Variants in HEATR1 observed in about 807,000 individuals in gnomAD.
The protein encoded by HEATR1 is HEAT repeat-containing protein 1.
A neutral mutation model predicts 248.2 loss-of-function variants in HEATR1; 77 were observed. That is an observed-to-expected ratio of 0.31 (90% confidence interval 0.26 to 0.37). The LOEUF (loss-of-function observed/expected upper bound fraction) is 0.37. HEATR1 is among the 10% of genes least tolerant of loss of function. The pLI is 1.00. For synonymous variants in HEATR1, 897 were observed against 923.1 expected (o/e 0.97, Z 0.51); for missense variants, 2,420 against 2,504.9 (o/e 0.97, Z 0.72).
chr1:236,594,195 A>C, intron 8 of HEATR1, 81 bp from the exon 9 acceptor site: 1 of 908,012 alleles, frequency 1.1e-6, no homozygotes, highest in Non-Finnish European at 1.7e-6. Flanking sequence ...ATAGCAGAAA[A>C]TCGTTCTCAG....
chr1:236,555,883 C>T lies in HEATR1; in HGVS notation c.5571G>A (p.Lys1857=). The change falls in exon 39 of 45, where the codon AAG becomes AAA. Residue 1857 remains lysine (K), a synonymous_variant. Transcript: ENST00000366582. Reference sequence around the variant, plus strand: ...GAGACTGATGGGAGGTGAGCTCTTCCTTCTTCATCACCCCAATATGCTCTT... The same window carrying T: ...GAGACTGATGGGAGGTGAGCTCTTCTTTCTTCATCACCCCAATATGCTCTT... ...ILQEHIGVMK[K]EELTSHQSQL... The T allele has an allele frequency of 6.2e-7, 1 of 1,613,770 alleles. No homozygotes were observed. Among genetic ancestry groups the T allele is most frequent in the Non-Finnish European group, 8.5e-7 (1 of 1,179,640 alleles).
rs1015889245 is a variant in HEATR1, at chr1:236,570,327, C to T, written c.3948+1024G>A. ...AAACAAACAAAAACATTATGCTAAG[C>T]AAAAGAAACCAGACACAGAGGGCCA... On this transcript the variant is annotated intron_variant, in intron 28 of 44. Transcript: ENST00000366582. 3.9e-5 allele frequency among the ~76,000 whole-genome samples: 6 copies of T among 152,200 alleles called. No homozygotes were observed. The South Asian group carries it at 8.3e-4, about 21-fold the overall frequency.
Position 236,555,808 on chromosome 1 carries a change from A to G in HEATR1, c.5646T>C (p.Ser1882=), listed in dbSNP as rs1662954106. 1 of 1,614,084 alleles carries G rather than the reference A, an allele frequency of 6.2e-7. No homozygotes were observed. Among genetic ancestry groups the G allele is most frequent in the Non-Finnish European group, 8.5e-7 (1 of 1,180,022 alleles). The change falls in exon 39 of 45, where the codon TCT becomes TCC. Residue 1882 remains serine (S), a synonymous_variant. Coordinates refer to ENST00000366582, the MANE Select transcript of HEATR1 (RefSeq NM_018072.6). The part of the protein sequence containing the change: ...LEALDFRAQH[S]ENDLEEVGKT... ...GGAGGAGTGAACCTGAGCTTACCTC[A>G]GAGTGCTGGGCTCGGAAGTCCAGGG...
intron 41 of HEATR1, 53 bp downstream of exon 41, chr1:236,555,243 T>C: frequency 6.4e-7 from 1 of 1,572,138 alleles, no homozygotes; most frequent in South Asian, 1.2e-5. Context: ...TACTGGTACC[T>C]TGTATAAGGC....
intron 12 of HEATR1, 93 bp from the exon 13 acceptor site, chr1:236,588,136 TC>T: frequency 1.1e-6 from 1 of 884,004 alleles, no homozygotes; most frequent in Non-Finnish European, 1.8e-6. Flanking sequence ...TGAAAAACAC[TC>T]CAGAATGACA....
At chr1:236,577,486 A>AT (rs1244236125) in intron 20 of HEATR1, among the ~76,000 whole-genome samples, 1 of 97,196 alleles carries the variant, frequency 1.0e-5, no homozygotes, top group African/African-American at 3.6e-5. Context: ...AAATTACATC[A>AT]TTCTTTTTTT....
rs547940210 is a variant in HEATR1, at chr1:236,587,451, T to G, written c.1666A>C (p.Asn556His). The change falls in exon 14 of 45, where the codon AAT becomes CAT. Residue 556 changes from asparagine (N) to histidine (H), a missense_variant. By Grantham distance (68) the Asn-to-His change is moderately conservative. Transcript: ENST00000366582. ...EHFSSEVTISNLLNLFQRAEL... is the reference protein window; with the variant it reads ...EHFSSEVTISHLLNLFQRAEL... ...GCTCTTTGAAAGAGATTCAGAAGAT[T>G]TGAAATCGTCACTTCTGAACTGAAG... 1.3e-6 allele frequency: 2 copies of G among 1,542,262 alleles called. No homozygotes were observed. Among genetic ancestry groups the G allele is most frequent in the Non-Finnish European group, 1.8e-6 (2 of 1,138,852 alleles).
At chr1:236,582,695 CTTT>C in intron 19 of HEATR1, 38 bp downstream of exon 19, 1 of 1,607,114 alleles carries the variant, frequency 6.2e-7, no homozygotes, top group South Asian at 1.1e-5. Flanking sequence ...GCCATATCTT[CTTT>C]AAGGGTAGAG....
intron 30 of HEATR1, 138 bp downstream of exon 30, chr1:236,566,508 T>C (rs1006853275): frequency 1.4e-6 from 1 of 694,228 alleles, no homozygotes; most frequent in Admixed American, 2.9e-5. Flanking sequence ...CCAAAAACCT[T>C]TTTGAAAAAG....
At chr1:236,596,216 C>T (rs1370198147) in intron 6 of HEATR1, among the ~76,000 whole-genome samples, 172 bp from the exon 7 acceptor site, 4 of 152,140 alleles carry the variant, frequency 2.6e-5, no homozygotes, top group African/African-American at 7.2e-5. Flanking sequence ...AGAGTGGATA[C>T]AGAGATGAGA....
intron 19 of HEATR1, 71 bp from the exon 20 acceptor site, chr1:236,581,485 C>A (rs778610533): frequency 1.8e-6 from 2 of 1,086,678 alleles, no homozygotes; most frequent in Non-Finnish European, 2.6e-6. Flanking sequence ...CCTCTTCTCA[C>A]TAGTGTACAA....
chr1:236,571,580 T>C lies in HEATR1; in HGVS notation c.3814A>G (p.Lys1272Glu). 6.2e-7 allele frequency: 1 copy of C among 1,613,918 alleles called. No individual in the cohort carries two copies. Among genetic ancestry groups the C allele is most frequent in the Non-Finnish European group, 8.5e-7 (1 of 1,179,826 alleles). The change falls in exon 27 of 45, where the codon AAA becomes GAA. Residue 1272 changes from lysine (K) to glutamate (E), a missense_variant. Physicochemically the swap from Lys to Glu is moderately conservative, Grantham distance 56. Coordinates refer to ENST00000366582, the MANE Select transcript of HEATR1 (RefSeq NM_018072.6). ...ICQKLSPDGG[K>E]IPKDILDEEK... ...AAAAAGTACCTACCTTTGGGTATTTTGCCACCATCTGGAGATAGTTTTTGG... is the reference window on the plus strand; with the variant it reads ...AAAAAGTACCTACCTTTGGGTATTTCGCCACCATCTGGAGATAGTTTTTGG...
intron 36 of HEATR1, 119 bp downstream of exon 36, chr1:236,558,118 A>C: frequency 8.6e-7 from 1 of 1,157,346 alleles, no homozygotes; most frequent in Non-Finnish European, 1.2e-6. Context: ...CAATTCTTTA[A>C]CAAATTCCAA....
chr1:236,557,377 T>G, intron 36 of HEATR1, 32 bp from the exon 37 acceptor site: 1 of 1,609,204 alleles, frequency 6.2e-7, no homozygotes, highest in Non-Finnish European at 8.5e-7. Context: ...TAGAAGAACT[T>G]GAAGCAGAAA....
At chr1:236,601,241 G>A (rs991296401) in intron 3 of HEATR1, among the ~76,000 whole-genome samples, 2 of 150,022 alleles carry the variant, frequency 1.3e-5, no homozygotes, top group African/African-American at 2.5e-5. Context: ...TTATCCCCAC[G>A]TCTCCATTTT....
At chr1:236,557,941 A>G (rs532371424) in intron 36 of HEATR1, among the ~76,000 whole-genome samples, 2 of 152,128 alleles carry the variant, frequency 1.3e-5, no homozygotes, top group Non-Finnish European at 2.9e-5. Flanking sequence ...AATTATTTTT[A>G]TTATTATTTC....
chr1:236,564,450 G>T, intron 32 of HEATR1, 48 bp downstream of exon 32: 1 of 1,549,258 alleles, frequency 6.5e-7, no homozygotes, highest in Non-Finnish European at 8.8e-7. Context: ...ACAGTTCCTT[G>T]GAGACAGCAG....
intron 8 of HEATR1, 54 bp from the exon 9 acceptor site, chr1:236,594,168 C>T (rs74146002): frequency 0.019 from 22,344 of 1,156,396 alleles, 281 homozygotes; most frequent in Middle Eastern, 0.043. Context: ...TGCAAGCTAA[C>T]ATTATTAAAT....
intron 30 of HEATR1, among the ~76,000 whole-genome samples, chr1:236,566,370 G>A (rs913397004): frequency 1.3e-5 from 2 of 152,094 alleles, no homozygotes; most frequent in Non-Finnish European, 1.5e-5. Flanking sequence ...TACTCTGCTG[G>A]GCTTAAAAGA....
Sources: allele counts gnomAD v4.1 joint callset (sites outside exome capture counted in the v4.1 genomes callset), GRCh38; gene constraint gnomAD v4.1.1; transcripts MANE v1.5; gene names NCBI Gene and HGNC (gene_info 2026-07-23, HGNC 2026-07-21).